The following DSCAML1 variants were observed in gnomAD, a reference collection of about 807,000 sequenced individuals.
The protein encoded by DSCAML1 is DS cell adhesion molecule like 1.
In DSCAML1, 38 loss-of-function variants were observed where a neutral mutation model predicts 200.5. The observed-to-expected ratio is 0.19, with a 90% CI of 0.15 to 0.25. The LOEUF is 0.25. DSCAML1 is among the 10% of genes least tolerant of loss of function. The pLI is 1.00. For synonymous variants in DSCAML1, 1,215 were observed against 1,165.0 expected, an observed-to-expected ratio of 1.04 and a Z score of -0.87; for missense variants, 2,223 against 2,858.8, an observed-to-expected ratio of 0.78 and a Z score of 5.07.
Position 117,437,217 on chromosome 11 carries a change from C to G in DSCAML1, c.4625G>C (p.Arg1542Pro), listed in dbSNP as rs143121003. The G allele has an allele frequency of 2.5e-6, 4 of 1,614,200 alleles. No homozygotes were observed. Among genetic ancestry groups the G allele is most frequent in the Non-Finnish European group, 8.5e-7 (1 of 1,180,056 alleles). ...GCGCAGCTCGTACCACGTGGCCTCT[C>G]GCAGTTCCGTCAGAAACACCTCCCC... ...SSGEVFLTELREATWYELRMR... is the reference protein window; with the variant it reads ...SSGEVFLTELPEATWYELRMR... Residue 1542 changes from arginine to proline, a missense_variant, in exon 26 of 33, where the codon CGA (arginine) becomes CCA (proline). Coordinates refer to ENST00000651296, the MANE Select transcript of DSCAML1 (RefSeq NM_020693.4). The surrounding 1 kb of genome is among the most constrained non-coding windows in gnomAD (Gnocchi z 5.3).
intron 3 of DSCAML1, among the ~76,000 whole-genome samples, chr11:117,661,509 C>A (rs531229844): frequency 6.6e-6 from 1 of 152,136 alleles, no homozygotes; most frequent in African/African-American, 2.4e-5. Flanking sequence ...TTTGCAAGGT[C>A]GTAACTAGAG....
intron 16 of DSCAML1, among the ~76,000 whole-genome samples, chr11:117,466,245 A>G (rs12418126): frequency 0.063 from 9,647 of 152,332 alleles, 478 homozygotes; most frequent in Admixed American, 0.16. Context: ...AGTGCAATAC[A>G]ATGGGATAGT....
intron 24 of DSCAML1, 76 bp from the exon 25 acceptor site, chr11:117,438,159 C>A: frequency 2.1e-6 from 3 of 1,438,588 alleles, no homozygotes; most frequent in Non-Finnish European, 2.8e-6. Flanking sequence ...GGTACCCCAA[C>A]AGGGGGCTGG....
At position 117,687,426 on chromosome 11, in the gene DSCAML1, A is replaced by ATTTTTTTTTTTTTTTTTTTTTTTTT. The variant is rs71037492; in HGVS notation, c.511+89364_511+89365insAAAAAAAAAAAAAAAAAAAAAAAAA. Among the ~76,000 whole-genome samples the ATTTTTTTTTTTTTTTTTTTTTTTTT allele has an allele frequency of 1.0e-4, 10 of 97,648 alleles. 1 individual carries two copies. The highest frequency in any genetic ancestry group is 2.9e-4 in the African/African-American group (7 of 24,308). The allele number at this position is 97,648 out of a possible 152,430, so 64.1% of individuals were successfully genotyped here. ...CAGGTGTGCTCCACCATGCCTGGCT[A>ATTTTTTTTTTTTTTTTTTTTTTTTT]TTTTTTTTTTTTTTTTTTTTTTAGA... On this transcript the variant is annotated intron_variant, in intron 3 of 32. Coordinates refer to ENST00000651296, the MANE Select transcript of DSCAML1 (RefSeq NM_020693.4).
chr11:117,518,884 T>C lies in DSCAML1; in HGVS notation c.1214-122A>G, dbSNP rs772940640. 25 of 1,101,604 alleles carry C rather than the reference T, an allele frequency of 2.3e-5. No homozygotes were observed. Among genetic ancestry groups the C allele is most frequent in the Non-Finnish European group, 3.2e-5 (25 of 792,336 alleles). The allele number at this position is 1,101,604 out of a possible 1,614,324, so 68.2% of individuals were successfully genotyped here. The stretch of plus-strand genomic sequence containing the variant: ...CCATAAGAGCAAACAAGAACTTTTG[T>C]GTACATCAATTCTTCTGCTATCCGC... On this transcript the variant is annotated intron_variant, in intron 6 of 32. Transcript: ENST00000651296. This position sits in a 1 kb window ranked among gnomAD's most constrained non-coding sequence, Gnocchi z 6.3.
chr11:117,606,891 C>T (rs935975964), intron 3 of DSCAML1, among the ~76,000 whole-genome samples: 12 of 152,190 alleles, frequency 7.9e-5, no homozygotes, highest in Non-Finnish European at 1.2e-4. Flanking sequence ...AGGAGGGTGA[C>T]ATTTGGATAG....
At chr11:117,601,879 G>A (rs1289089052) in intron 3 of DSCAML1, among the ~76,000 whole-genome samples, 1 of 152,212 alleles carries the variant, frequency 6.6e-6, no homozygotes, top group African/African-American at 2.4e-5. Context: ...GTTGGGACCC[G>A]AGGGGTCTAG....
At chr11:117,677,710 C>T (rs1055863478) in intron 3 of DSCAML1, among the ~76,000 whole-genome samples, 1 of 152,296 alleles carries the variant, frequency 6.6e-6, no homozygotes, top group East Asian at 1.9e-4. Context: ...GCACTTTCTA[C>T]GCACCAGGCT....
rs2049472280 is a variant in DSCAML1, at chr11:117,505,305, A to T, written c.2062+149T>A. On this transcript the variant is annotated intron_variant, in intron 9 of 32. Transcript: ENST00000651296. The surrounding 1 kb of genome is among the most constrained non-coding windows in gnomAD (Gnocchi z 6.7). ...CAGGGCTTCGGTTTCCTGCCCTGGA[A>T]AATAAGAGGTTTAGGCTCCAACAGG... The T allele has an allele frequency of 1.7e-6, 2 of 1,182,788 alleles. No individual in the cohort carries two copies. Among genetic ancestry groups the T allele is most frequent in the Admixed American group, 5.5e-5 (2 of 36,616 alleles). The allele number at this position is 1,182,788 out of a possible 1,614,324, so 73.3% of individuals were successfully genotyped here. A position where few individuals can be genotyped will look rare whatever the true frequency, so the allele number is the denominator to read the frequency against.
chr11:117,691,626 TC>T (rs2053495385), intron 3 of DSCAML1, among the ~76,000 whole-genome samples: 2 of 152,198 alleles, frequency 1.3e-5, no homozygotes, highest in Admixed American at 1.3e-4. Flanking sequence ...CAGTGGGAAG[TC>T]GGATTCGTTC....
chr11:117,432,267 T>A, intron 30 of DSCAML1, 85 bp downstream of exon 30: 231 of 1,267,052 alleles, frequency 1.8e-4, no homozygotes, highest in South Asian at 3.6e-4. Flanking sequence ...CTCCTCCCTT[T>A]AAAAAAAAAC....
At position 117,505,746 on chromosome 11, in the gene DSCAML1, C is replaced by T. The variant is rs775011055; in HGVS notation, c.1784-14G>A. ...TCAGAGGGGGCACTGGGAAGGCAAG[C>T]GGGTGCTGCCGTCAGGACCCTGTGC... is the stretch of plus-strand genomic sequence containing the variant. On this transcript the variant is annotated splice_polypyrimidine_tract_variant and intron_variant, in intron 8 of 32. Transcript: ENST00000651296. The surrounding 1 kb of genome is among the most constrained non-coding windows in gnomAD (Gnocchi z 6.7). 12 of 1,600,864 alleles carry T rather than the reference C, an allele frequency of 7.5e-6. No homozygotes were observed. The Admixed American group carries it at 8.4e-5, about 11-fold the overall frequency.
chr11:117,644,771 C>G (rs936339239), intron 3 of DSCAML1, among the ~76,000 whole-genome samples: 5 of 152,234 alleles, frequency 3.3e-5, no homozygotes, highest in Non-Finnish European at 5.9e-5. Flanking sequence ...GCACCCCCAG[C>G]CCCTGTGCGG....
upstream of DSCAML1, among the ~76,000 whole-genome samples, chr11:117,799,544 C>T (rs1254468233): frequency 1.3e-5 from 2 of 152,248 alleles, no homozygotes; most frequent in East Asian, 3.8e-4. Flanking sequence ...TGCAGTCTGG[C>T]TGTCCCGGGA....
chr11:117,622,454 A>G (rs1284837884), intron 3 of DSCAML1, among the ~76,000 whole-genome samples: 2 of 152,156 alleles, frequency 1.3e-5, no homozygotes, highest in Non-Finnish European at 2.9e-5. Flanking sequence ...TGGTGAGCCT[A>G]TAAAGCTAAC....
At position 117,697,790 on chromosome 11, in the gene DSCAML1, T is replaced by A. The variant is rs984931563; in HGVS notation, c.511+79001A>T. On this transcript the variant is annotated intron_variant, in intron 3 of 32. Transcript: ENST00000651296. ...AAAATTTCCTTTTTTTTTTTTTTTT[T>A]AGACGGAGTCTCGCTCTGTCGCCGA... is the stretch of plus-strand genomic sequence containing the variant. Among the ~76,000 whole-genome samples, 4 of 148,780 alleles carry A rather than the reference T, an allele frequency of 2.7e-5. No individual in the cohort carries two copies. The South Asian group carries it at 8.5e-4, about 31-fold the overall frequency.
At chr11:117,441,278 C>T (rs1003104842) in intron 21 of DSCAML1, among the ~76,000 whole-genome samples, 2 of 152,182 alleles carry the variant, frequency 1.3e-5, no homozygotes, top group Non-Finnish European at 2.9e-5. Context: ...TCATCTCATA[C>T]TGAGTCCACA....
At chr11:117,617,611 C>T (rs1449762445) in intron 3 of DSCAML1, among the ~76,000 whole-genome samples, 3 of 151,890 alleles carry the variant, frequency 2.0e-5, no homozygotes, top group East Asian at 1.9e-4. Flanking sequence ...CAAACATTGG[C>T]GCATTAAGCC....
At chr11:117,637,187 C>T (rs993533554) in intron 3 of DSCAML1, among the ~76,000 whole-genome samples, 2 of 152,096 alleles carry the variant, frequency 1.3e-5, no homozygotes, top group African/African-American at 4.8e-5. Context: ...AGGCTATTCC[C>T]TATGCTCACT....
Sources: gnomAD v4.1 joint callset for allele counts (sites outside exome capture counted in the v4.1 genomes callset) on GRCh38, gnomAD v4.1.1 for gene constraint, Gnocchi (gnomAD v3.1) non-coding constraint, MANE v1.5 for transcripts, NCBI Gene and HGNC (gene_info 2026-07-23, HGNC 2026-07-21) for gene names.